The following DLG2 variants were observed in gnomAD, a reference collection of about 807,000 sequenced individuals.
DLG2 encodes discs large MAGUK scaffold protein 2, also known as disks large homolog 2.
A neutral mutation model predicts 132.5 loss-of-function variants in DLG2; 45 were observed. That is an observed-to-expected ratio of 0.34 (90% CI 0.27 to 0.44). The LOEUF (loss-of-function observed/expected upper bound fraction) is 0.44. DLG2 is among the 20% of genes least tolerant of loss of function. The pLI, the probability that DLG2 is intolerant of heterozygous loss-of-function variation, is 1.00. For synonymous variants in DLG2, 424 were observed against 419.6 expected (o/e 1.01, Z -0.13); for missense variants, 1,045 against 1,196.9 (o/e 0.87, Z 1.87).
In DLG2 at chr11:85,420,394, G is replaced by A. The variant is rs577632237; in HGVS notation, c.41-135029C>T. 2.6e-5 allele frequency among the ~76,000 whole-genome samples: 4 copies of A among 152,316 alleles called. No homozygotes were observed. In the South Asian group the frequency reaches 6.2e-4, roughly 24 times the overall value. The stretch of plus-strand genomic sequence containing the variant: ...GACTCCTGCTGGGAGGTGTCTCCCA[G>A]TTAGGAATCTTGGGGGTCAGGGACC... On this transcript the variant is annotated intron_variant, in intron 3 of 27. Transcript: ENST00000376104.
At chr11:85,322,115 A>G (rs1352005716) in intron 3 of DLG2, among the ~76,000 whole-genome samples, 2 of 152,000 alleles carry the variant, frequency 1.3e-5, no homozygotes, top group Admixed American at 6.6e-5. Context: ...GTGCCCTACT[A>G]TATCATAAAT....
rs2092026500 is a variant in DLG2, at chr11:83,471,558, T to C, written c.2446+68A>G. On this transcript the variant is annotated intron_variant, in intron 24 of 27. Coordinates refer to ENST00000376104, the MANE Select transcript of DLG2 (RefSeq NM_001142699.3). ...GAGACTACTGGAGGATGGAATTACA[T>C]TTTACCATCTCATAAAGAAATCCAA... The C allele has an allele frequency of 1.7e-5, 20 of 1,182,956 alleles. No homozygotes were observed. The East Asian group carries it at 4.5e-4, about 26-fold the overall frequency. The allele number at this position is 1,182,956 out of a possible 1,614,324, so 73.3% of individuals were successfully genotyped here.
At chr11:84,155,180 G>T (rs1249856488) in intron 9 of DLG2, among the ~76,000 whole-genome samples, 1 of 152,138 alleles carries the variant, frequency 6.6e-6, no homozygotes, top group African/African-American at 2.4e-5. Context: ...ATTTCTGGAT[G>T]CTTTTAGAGG....
chr11:83,553,243 A>T (rs980112777), intron 19 of DLG2, among the ~76,000 whole-genome samples: 1 of 152,178 alleles, frequency 6.6e-6, no homozygotes, highest in African/African-American at 2.4e-5. Context: ...ATCAACTCTA[A>T]GATTTTTTAA....
intron 7 of DLG2, among the ~76,000 whole-genome samples, chr11:84,302,285 G>A (rs561130278): frequency 6.6e-5 from 10 of 152,098 alleles, no homozygotes; most frequent in Non-Finnish European, 1.0e-4. Context: ...ACCATGGCAC[G>A]CGTATACCTA....
intron 6 of DLG2, among the ~76,000 whole-genome samples, chr11:84,780,639 A>ATTG (rs1008241603): frequency 6.6e-6 from 1 of 151,958 alleles, no homozygotes; most frequent in African/African-American, 2.4e-5. Context: ...GTCATTTGTT[A>ATTG]TTGTTGTTGT....
chr11:83,925,121 C>G (rs1591149912), intron 15 of DLG2, among the ~76,000 whole-genome samples: 1 of 152,076 alleles, frequency 6.6e-6, no homozygotes, highest in Non-Finnish European at 1.5e-5. Context: ...ACATAACAAT[C>G]TGAAACCTAA....
intron 6 of DLG2, among the ~76,000 whole-genome samples, chr11:84,812,779 A>G (rs893287272): frequency 6.6e-6 from 1 of 152,158 alleles, no homozygotes; most frequent in Non-Finnish European, 1.5e-5. Flanking sequence ...CCTGTTGGAA[A>G]TGTGAAACTC....
At chr11:84,461,457 G>A (rs1433427761) in intron 7 of DLG2, among the ~76,000 whole-genome samples, 1 of 150,862 alleles carries the variant, frequency 6.6e-6, no homozygotes, top group Non-Finnish European at 1.5e-5. Context: ...TGAAAAATAT[G>A]TTCTTTTTAA....
intron 15 of DLG2, among the ~76,000 whole-genome samples, chr11:83,909,066 A>G (rs7932761): frequency 0.18 from 27,846 of 152,198 alleles, 3,049 homozygotes; most frequent in Non-Finnish European, 0.26. Context: ...CAGACTCTGC[A>G]TCCTTGCCTC....
chr11:84,675,142 C>T (rs1261744414), intron 6 of DLG2, among the ~76,000 whole-genome samples: 13 of 152,234 alleles, frequency 8.5e-5, no homozygotes, highest in South Asian at 2.1e-4. Context: ...TCCAACCCTG[C>T]GGCCCCCTCT....
At chr11:85,377,149 T>C (rs1158607024) in intron 3 of DLG2, among the ~76,000 whole-genome samples, 1 of 152,218 alleles carries the variant, frequency 6.6e-6, no homozygotes, top group African/African-American at 2.4e-5. Flanking sequence ...AATTCAACTC[T>C]ACCATCTGTC....
intron 10 of DLG2, among the ~76,000 whole-genome samples, chr11:84,093,119 T>A (rs77210224): frequency 0.013 from 1,955 of 152,268 alleles, 26 homozygotes; most frequent in Non-Finnish European, 0.022. Context: ...TTCTATTTAT[T>A]AGCTCACTAT....
intron 6 of DLG2, among the ~76,000 whole-genome samples, chr11:84,795,221 C>G (rs555447535): frequency 1.3e-5 from 2 of 152,200 alleles, no homozygotes; most frequent in African/African-American, 2.4e-5. Context: ...GAGCTCCCCA[C>G]TGTGGGTCTC....
At chr11:85,188,541 T>C (rs2080296096) in intron 4 of DLG2, among the ~76,000 whole-genome samples, 1 of 152,104 alleles carries the variant, frequency 6.6e-6, no homozygotes, top group Admixed American at 6.5e-5. Flanking sequence ...GAATACACAA[T>C]AGACCTAACA....
intron 6 of DLG2, among the ~76,000 whole-genome samples, chr11:84,798,950 A>T (rs1206969528): frequency 2.0e-5 from 3 of 152,070 alleles, no homozygotes; most frequent in Non-Finnish European, 4.4e-5. Context: ...GATGCAAGAC[A>T]ACGTCCTCTT....
At chr11:83,932,389 C>T (rs909195325) in intron 14 of DLG2, among the ~76,000 whole-genome samples, 2 of 150,100 alleles carry the variant, frequency 1.3e-5, no homozygotes, top group African/African-American at 5.1e-5. Flanking sequence ...CGCCTGCCAC[C>T]ACGCCCGGCT....
chr11:84,840,050 G>T (rs960978101), intron 6 of DLG2, among the ~76,000 whole-genome samples: 3 of 151,994 alleles, frequency 2.0e-5, no homozygotes, highest in African/African-American at 4.8e-5. Flanking sequence ...GAGTGAACAG[G>T]CAACCTACAG....
chr11:85,406,254 AC>A, intron 3 of DLG2, among the ~76,000 whole-genome samples: 1 of 151,766 alleles, frequency 6.6e-6, no homozygotes, highest in Middle Eastern at 3.4e-3. Flanking sequence ...ATTCTCTCTG[AC>A]AGAGACAGCA....
Sources: gnomAD v4.1 joint callset for allele counts (sites outside exome capture counted in the v4.1 genomes callset) on GRCh38, gnomAD v4.1.1 for gene constraint, MANE v1.5 for transcripts, NCBI Gene and HGNC (gene_info 2026-07-23, HGNC 2026-07-21) for gene names.